SLN: variants seen among roughly 807,000 people sequenced by gnomAD.
SLN encodes the protein sarcolipin.
For synonymous variants in SLN, 19 were observed against 14.4 expected, an observed-to-expected ratio of 1.32 and a Z score of -0.72; for missense variants, 34 against 37.4, an observed-to-expected ratio of 0.91 and a Z score of 0.24.
chr11:107,710,350 C>T (rs973387213), intron 1 of SLN, among the ~76,000 whole-genome samples: 3 of 152,188 alleles, frequency 2.0e-5, no homozygotes, highest in Admixed American at 6.5e-5. Context: ...GGATAGTGAT[C>T]CAACAGGATA....
intron 1 of SLN, among the ~76,000 whole-genome samples, chr11:107,708,985 C>T (rs1213314722): frequency 6.6e-6 from 1 of 152,188 alleles, no homozygotes; most frequent in East Asian, 1.9e-4. Flanking sequence ...AACCAAAAGC[C>T]CCTGGCATAA....
chr11:107,711,779 A>G (rs1329477868), intron 1 of SLN, among the ~76,000 whole-genome samples, 184 bp downstream of exon 1: 2 of 152,152 alleles, frequency 1.3e-5, no homozygotes, highest in Non-Finnish European at 2.9e-5. Flanking sequence ...GAGAAAATGC[A>G]TACCCTTAGG....
chr11:107,707,914 C>A lies in SLN; in HGVS notation c.17G>T (p.Arg6Leu). The A allele has an allele frequency of 6.2e-7, 1 of 1,613,792 alleles. No individual in the cohort carries two copies. Among genetic ancestry groups the A allele is most frequent in the South Asian group, 1.1e-5 (1 of 91,068 alleles). MGINT[R>L]ELFLNFTIVL... ...AATAGTGAAGTTGAGAAACAGCTCC[C>A]GGGTGTTTATCCCCATTTTCACAGC... The change falls in exon 2 of 2, where the codon CGG (arginine) becomes CTG (leucine). Residue 6 changes from arginine to leucine, a missense_variant. By Grantham distance (102) the Arg-to-Leu change is moderately radical (BLOSUM62 -2). Transcript: ENST00000305991.
At chr11:107,708,839 A>C (rs1215011054) in intron 1 of SLN, among the ~76,000 whole-genome samples, 1 of 152,210 alleles carries the variant, frequency 6.6e-6, no homozygotes, top group East Asian at 1.9e-4. Flanking sequence ...AATTACATAG[A>C]TAAGTGGGAT....
rs1867174208 is a variant in SLN at position 107,708,020 on chromosome 11, C to T, written c.-75-15G>A. 4.7e-6 allele frequency: 4 copies of T among 842,248 alleles called. No homozygotes were observed. In the Admixed American group the frequency reaches 7.1e-5, roughly 15 times the overall value. The allele number at this position is 842,248 out of a possible 1,614,324, so 52.2% of individuals were successfully genotyped here. On this transcript the variant is annotated splice_polypyrimidine_tract_variant and intron_variant, in intron 1 of 1. Coordinates refer to ENST00000305991, the MANE Select transcript of SLN (RefSeq NM_003063.3). ...CTCCTCACCTCCTGATAAAACATAA[C>T]AAAGAAAACACAAGGAGATTAATGG... is the stretch of plus-strand genomic sequence containing the variant.
At chr11:107,709,712 C>T (rs1290358126) in intron 1 of SLN, among the ~76,000 whole-genome samples, 1 of 151,704 alleles carries the variant, frequency 6.6e-6, no homozygotes, top group Non-Finnish European at 1.5e-5. Context: ...TCAGATGGTG[C>T]CAACCAGTAG....
At chr11:107,709,104 C>T (rs183486897) in intron 1 of SLN, among the ~76,000 whole-genome samples, 4 of 152,320 alleles carry the variant, frequency 2.6e-5, no homozygotes, top group Admixed American at 2.6e-4. Context: ...AGATTGTAAA[C>T]ATTTCAAAGA....
rs1042763903 is a variant in SLN at position 107,711,982 on chromosome 11, C to T, written c.-95G>A. ...AGTTACCTGAAGAGGATCAAAGACA[C>T]ACCCTGGCTATGGCAGGTTTCTCCT... is the stretch of plus-strand genomic sequence containing the variant. On this transcript the variant is annotated 5_prime_UTR_variant, in exon 1 of 2. It adds an upstream start codon to the 5' untranslated region. Transcript: ENST00000305991. The T allele has an allele frequency of 6.6e-6, 1 of 152,256 alleles. No individual in the cohort carries two copies. The highest frequency in any genetic ancestry group is 2.4e-5 in the African/African-American group (1 of 41,428). The allele number at this position is 152,256 out of a possible 1,614,324, so 9.4% of individuals were successfully genotyped here.
chr11:107,707,901 G>A lies in SLN; in HGVS notation c.30C>T (p.Leu10=). The A allele has an allele frequency of 1.2e-6, 2 of 1,613,994 alleles. No individual in the cohort carries two copies. The highest frequency in any genetic ancestry group is 1.1e-5 in the South Asian group (1 of 91,072). The change falls in exon 2 of 2, where the codon CTC becomes CTT. Residue 10 remains leucine (L), a synonymous_variant. Coordinates refer to ENST00000305991, the MANE Select transcript of SLN (RefSeq NM_003063.3). ...CCGTAATCAAGACAATAGTGAAGTTGAGAAACAGCTCCCGGGTGTTTATCC... is the reference window on the plus strand; with the variant it reads ...CCGTAATCAAGACAATAGTGAAGTTAAGAAACAGCTCCCGGGTGTTTATCC... MGINTRELF[L]NFTIVLITVI...
intron 1 of SLN, among the ~76,000 whole-genome samples, chr11:107,711,318 C>G (rs546008390): frequency 6.6e-6 from 1 of 152,004 alleles, no homozygotes; most frequent in Non-Finnish European, 1.5e-5. Flanking sequence ...CTTACTACTT[C>G]TTGCACTTTA....
chr11:107,711,976 A>G lies in SLN; in HGVS notation c.-89T>C, dbSNP rs1867215271. The G allele has an allele frequency of 1.3e-5, 2 of 152,216 alleles. No individual in the cohort carries two copies. The highest frequency in any genetic ancestry group is 2.1e-4 in the South Asian group (1 of 4,824). 9.4% of individuals were successfully genotyped at this position (152,216 alleles called of 1,614,324 possible). A position where few individuals can be genotyped will look rare whatever the true frequency, so the allele number is the denominator to read the frequency against. On this transcript the variant is annotated 5_prime_UTR_variant, in exon 1 of 2. Transcript: ENST00000305991. ...TCCTGCAGTTACCTGAAGAGGATCA[A>G]AGACACACCCTGGCTATGGCAGGTT...
At position 107,707,622 on chromosome 11, in the gene SLN, C is replaced by T. The variant is rs527447228; in HGVS notation, c.*213G>A. On this transcript the variant is annotated 3_prime_UTR_variant, in exon 2 of 2. Coordinates refer to ENST00000305991, the MANE Select transcript of SLN (RefSeq NM_003063.3). ...GAGTTGGGGAATAAATCTACCGTTC[C>T]CTGGCAAACACTTGGCAGCCCTTGG... The T allele has an allele frequency of 1.3e-4, 63 of 500,718 alleles. No individual in the cohort carries two copies. In the South Asian group the frequency reaches 2.0e-3, roughly 16 times the overall value. The allele number at this position is 500,718 out of a possible 1,614,324, so 31.0% of individuals were successfully genotyped here.
chr11:107,711,639 C>CA (rs1364833553), intron 1 of SLN, among the ~76,000 whole-genome samples: 1 of 151,968 alleles, frequency 6.6e-6, no homozygotes, highest in African/African-American at 2.4e-5. Flanking sequence ...AACTAAAACC[C>CA]AAAAAGCTCT....
chr11:107,710,901 AAT>A (rs1867204219), intron 1 of SLN, among the ~76,000 whole-genome samples: 1 of 152,246 alleles, frequency 6.6e-6, no homozygotes, highest in Non-Finnish European at 1.5e-5. Context: ...AAGCAAAGAA[AAT>A]ATATGAACTA....
intron 1 of SLN, among the ~76,000 whole-genome samples, chr11:107,709,472 G>T (rs886698603): frequency 6.6e-6 from 1 of 152,122 alleles, no homozygotes; most frequent in African/African-American, 2.4e-5. Flanking sequence ...TTACTGTATT[G>T]ATTATATTAT....
intron 1 of SLN, among the ~76,000 whole-genome samples, chr11:107,709,031 T>C (rs1035611316): frequency 6.6e-6 from 1 of 152,206 alleles, no homozygotes; most frequent in Admixed American, 6.5e-5. Flanking sequence ...GTTAACTTCA[T>C]GGGTACTTCG....
chr11:107,711,194 C>T (rs938000403), intron 1 of SLN, among the ~76,000 whole-genome samples: 4 of 151,822 alleles, frequency 2.6e-5, no homozygotes, highest in African/African-American at 9.7e-5. Flanking sequence ...GAAGTGTTGC[C>T]TTTCAGTTAT....
chr11:107,707,568 T>C lies in SLN; in HGVS notation c.*267A>G, dbSNP rs1410787825. 2.6e-6 allele frequency: 1 copy of C among 386,016 alleles called. No homozygotes were observed. Among genetic ancestry groups the C allele is most frequent in the East Asian group, 4.5e-5 (1 of 22,396 alleles). 23.9% of individuals were successfully genotyped at this position (386,016 alleles called of 1,614,324 possible). ...CATGAATCCAGTTTAATTTTAACTT[T>C]GTGGCTTGTCTAACACATTTTCAGT... On this transcript the variant is annotated 3_prime_UTR_variant, in exon 2 of 2. Coordinates refer to ENST00000305991, the MANE Select transcript of SLN (RefSeq NM_003063.3).
chr11:107,708,672 T>C (rs1334144043), intron 1 of SLN, among the ~76,000 whole-genome samples: 2 of 152,198 alleles, frequency 1.3e-5, no homozygotes, highest in Non-Finnish European at 2.9e-5. Context: ...ATCGTATTGG[T>C]GCTTTTCATA....
Sources: gnomAD v4.1 joint callset for allele counts (sites outside exome capture counted in the v4.1 genomes callset) on GRCh38, gnomAD v4.1.1 for gene constraint, MANE v1.5 for transcripts, NCBI Gene and HGNC (gene_info 2026-07-23, HGNC 2026-07-21) for gene names.